EDEM1: variants seen among roughly 807,000 people sequenced by gnomAD.
The protein encoded by EDEM1 is ER degradation enhancing alpha-mannosidase like protein 1.
EDEM1 carries 67 observed loss-of-function variants against 74.4 expected under a neutral mutation model. The ratio of observed to expected loss-of-function variants is 0.90; its 90% CI spans 0.74 to 1.10. The LOEUF is 1.10. Among genes scored for constraint, EDEM1 ranks in the 50% least tolerant of loss-of-function variants. The probability of loss-of-function intolerance (pLI) is 0.00; values close to 1 mark genes in which losing one functional copy is unlikely to be tolerated. For missense variants in EDEM1, 926 were observed against 851.6 expected (o/e 1.09, Z -1.09); for synonymous variants, 382 against 335.9 (o/e 1.14, Z -1.50).
At position 5,207,208 on chromosome 3, in the gene EDEM1, A is replaced by T. The variant is rs369994360; in HGVS notation, c.1273A>T (p.Met425Leu). 6.2e-7 allele frequency: 1 copy of T among 1,614,184 alleles called. No homozygotes were observed. The highest frequency in any genetic ancestry group is 8.5e-7 in the Non-Finnish European group (1 of 1,180,026). Reference sequence around the variant, plus strand: ...CCCTCCACTCTATGTCAACGTGAACATGTTCAGTGGGCAGCTGATGAACAC... The same window carrying T: ...CCCTCCACTCTATGTCAACGTGAACTTGTTCAGTGGGCAGCTGATGAACAC... ...GDPPLYVNVN[M>L]FSGQLMNTWI... The change falls in exon 7 of 12, where the codon ATG becomes TTG. Residue 425 changes from methionine to leucine, a missense_variant. Coordinates refer to ENST00000256497, the MANE Select transcript of EDEM1 (RefSeq NM_014674.3).
chr3:5,187,718 G>T lies in EDEM1; in HGVS notation c.-88G>T. The T allele has an allele frequency of 7.2e-7, 1 of 1,395,438 alleles. No homozygotes were observed. The allele number at this position is 1,395,438 out of a possible 1,614,324, so 86.4% of individuals were successfully genotyped here. ...CGGGGGAGTTCCTTAAAGGGGAAGC[G>T]AGCCGGGCTACGGGGCGAGCGCGGG... On this transcript the variant is annotated 5_prime_UTR_variant, in exon 1 of 12. Coordinates refer to ENST00000256497, the MANE Select transcript of EDEM1 (RefSeq NM_014674.3).
In EDEM1 at chr3:5,211,145, G is replaced by A. The variant is rs1411347661; in HGVS notation, c.1609G>A (p.Val537Ile). The change falls in exon 10 of 12, where the codon GTC (valine) becomes ATC (isoleucine). Residue 537 changes from valine (V) to isoleucine (I), a missense_variant. Coordinates refer to ENST00000256497, the MANE Select transcript of EDEM1 (RefSeq NM_014674.3). ...GTGTGGGTACGCCACGCTGCATCAC[G>A]TCATTGACAAGTCCACAGAAGACCG... is the stretch of plus-strand genomic sequence containing the variant. ...VKCGYATLHH[V>I]IDKSTEDRME... 11 of 1,614,064 alleles carry A rather than the reference G, an allele frequency of 6.8e-6. No homozygotes were observed. Among genetic ancestry groups the A allele is most frequent in the African/African-American group, 2.7e-5 (2 of 74,934 alleles).
chr3:5,196,506 C>T (rs1290448926), intron 2 of EDEM1, among the ~76,000 whole-genome samples: 2 of 151,970 alleles, frequency 1.3e-5, no homozygotes, highest in Non-Finnish European at 2.9e-5. Context: ...ATGTGCTAGC[C>T]AAGTTTGCAT....
rs1012758852 is a variant in EDEM1, at chr3:5,216,221, T to C, written c.*303T>C. On this transcript the variant is annotated 3_prime_UTR_variant, in exon 12 of 12. Coordinates refer to ENST00000256497, the MANE Select transcript of EDEM1 (RefSeq NM_014674.3). ...GCATCTTTGGATTGATGTTCACAGCTTTATACTTCAGAACCTAAGTCTCTT... is the reference window on the plus strand; with the variant it reads ...GCATCTTTGGATTGATGTTCACAGCCTTATACTTCAGAACCTAAGTCTCTT... The C allele has an allele frequency of 5.1e-5, 18 of 352,194 alleles. No individual in the cohort carries two copies. The highest frequency in any genetic ancestry group is 3.6e-4 in the African/African-American group (17 of 46,806). 21.8% of individuals were successfully genotyped at this position (352,194 alleles called of 1,614,324 possible).
intron 1 of EDEM1, among the ~76,000 whole-genome samples, chr3:5,189,782 A>G (rs572508293): frequency 6.6e-6 from 1 of 152,130 alleles, no homozygotes; most frequent in African/African-American, 2.4e-5. Context: ...TTGTATTTTT[A>G]GTAGAGACGG....
chr3:5,213,289 T>A (rs2055189414), intron 10 of EDEM1, 30 bp from the exon 11 acceptor site: 3 of 1,596,346 alleles, frequency 1.9e-6, no homozygotes, highest in African/African-American at 2.7e-5. Flanking sequence ...CTACAATTAT[T>A]GGTTGTATCT....
In EDEM1 at chr3:5,201,871, G is replaced by A; in HGVS notation, c.805G>A (p.Val269Met). The A allele has an allele frequency of 6.2e-7, 1 of 1,614,170 alleles. No individual in the cohort carries two copies. The highest frequency in any genetic ancestry group is 8.5e-7 in the Non-Finnish European group (1 of 1,180,028). Reference protein sequence around the residue: ...ELLYMAHDLAVRLLPAFENTK... With the variant: ...ELLYMAHDLAMRLLPAFENTK... ...GTTATACATGGCCCATGACCTGGCG[G>A]TGCGGCTCCTCCCTGCTTTTGAAAA... Residue 269 changes from valine to methionine, a missense_variant, in exon 4 of 12, where the codon GTG becomes ATG. Coordinates refer to ENST00000256497, the MANE Select transcript of EDEM1 (RefSeq NM_014674.3).
chr3:5,205,279 G>A, intron 6 of EDEM1, 38 bp downstream of exon 6: 1 of 1,583,948 alleles, frequency 6.3e-7, no homozygotes. Flanking sequence ...GCCTTGTAAA[G>A]CAAATAGAAT....
intron 4 of EDEM1, among the ~76,000 whole-genome samples, chr3:5,202,545 A>T (rs564317318): frequency 6.6e-6 from 1 of 152,344 alleles, no homozygotes; most frequent in East Asian, 1.9e-4. Context: ...ATATTCTGGT[A>T]GTGCCTCCTT....
chr3:5,194,397 C>G (rs1056121570), intron 1 of EDEM1, among the ~76,000 whole-genome samples: 2 of 152,180 alleles, frequency 1.3e-5, no homozygotes, highest in Non-Finnish European at 2.9e-5. Flanking sequence ...CATCCCTATT[C>G]TCCCAGATGT....
In EDEM1 at chr3:5,188,293, G is replaced by T; in HGVS notation, c.488G>T (p.Arg163Leu). ...DELNPIHCRG[R>L]GPDRGDPSNL... ...CTCAACCCCATCCACTGCCGCGGCC[G>T]TGGGCCCGACCGCGGGGACCCGTGA... Residue 163 changes from arginine to leucine, a missense_variant, in exon 1 of 12, where the codon CGT becomes CTT. Transcript: ENST00000256497. The T allele has an allele frequency of 6.5e-7, 1 of 1,531,100 alleles. No homozygotes were observed. Among genetic ancestry groups the T allele is most frequent in the Non-Finnish European group, 8.8e-7 (1 of 1,137,418 alleles). 94.8% of individuals were successfully genotyped at this position (1,531,100 alleles called of 1,614,324 possible). A position where few individuals can be genotyped will look rare whatever the true frequency, so the allele number is the denominator to read the frequency against.
intron 10 of EDEM1, among the ~76,000 whole-genome samples, chr3:5,211,626 A>G (rs918520157): frequency 4.6e-5 from 7 of 151,538 alleles, no homozygotes; most frequent in African/African-American, 1.7e-4. Flanking sequence ...CTGTCCATAC[A>G]CACATCCTCA....
chr3:5,213,104 G>A (rs1336793932), intron 10 of EDEM1, among the ~76,000 whole-genome samples: 1 of 152,170 alleles, frequency 6.6e-6, no homozygotes, highest in Non-Finnish European at 1.5e-5. Flanking sequence ...GGGAGAGGCA[G>A]GTCTGGGCAT....
intron 1 of EDEM1, 38 bp downstream of exon 1, chr3:5,188,352 C>A: frequency 7.3e-7 from 1 of 1,375,182 alleles, no homozygotes; most frequent in East Asian, 3.1e-5. Context: ...CGCGCCCACG[C>A]GCTTCCTTCC....
intron 6 of EDEM1, among the ~76,000 whole-genome samples, chr3:5,205,505 C>T (rs2055085772): frequency 6.6e-6 from 1 of 152,222 alleles, no homozygotes; most frequent in Non-Finnish European, 1.5e-5. Flanking sequence ...CCAGGAGCAG[C>T]TGAGCCAGTC....
Position 5,218,344 on chromosome 3 carries a change from A to G in EDEM1, c.*2426A>G, listed in dbSNP as rs1392803644. The G allele has an allele frequency of 2.7e-5, 4 of 149,992 alleles. No individual in the cohort carries two copies. Among genetic ancestry groups the G allele is most frequent in the Non-Finnish European group, 4.4e-5 (3 of 67,900 alleles). 9.3% of individuals were successfully genotyped at this position (149,992 alleles called of 1,614,324 possible). ...AGAAGGTTCTTTGAGCCAGTTTCAAAGGTTACTTGTTTTTTTTTTTTTTTT... is the reference window on the plus strand; with the variant it reads ...AGAAGGTTCTTTGAGCCAGTTTCAAGGGTTACTTGTTTTTTTTTTTTTTTT... On this transcript the variant is annotated 3_prime_UTR_variant, in exon 12 of 12. Transcript: ENST00000256497.
At chr3:5,206,322 C>T (rs2055096502) in intron 6 of EDEM1, among the ~76,000 whole-genome samples, 1 of 152,042 alleles carries the variant, frequency 6.6e-6, no homozygotes, top group Admixed American at 6.6e-5. Context: ...ATTCTCCTGC[C>T]TCAGCCTCCT....
intron 7 of EDEM1, among the ~76,000 whole-genome samples, chr3:5,207,888 G>A (rs2055117783): frequency 1.3e-5 from 2 of 152,174 alleles, no homozygotes; most frequent in African/African-American, 4.8e-5. Flanking sequence ...TCTGTGTGCA[G>A]CTCACATCAA....
In EDEM1 at chr3:5,201,927, G is replaced by T. The variant is rs763986984; in HGVS notation, c.858+3G>T. ...AGACAGGGATTCCATATCCTCGGGT[G>T]GGTAGACTGGTTTGACCCTTTGTGT... On this transcript the variant is annotated splice_donor_region_variant and intron_variant, in intron 4 of 11. Coordinates refer to ENST00000256497, the MANE Select transcript of EDEM1 (RefSeq NM_014674.3). 1.9e-6 allele frequency: 3 copies of T among 1,611,578 alleles called. No individual in the cohort carries two copies. The South Asian group carries it at 3.3e-5, about 18-fold the overall frequency.
Sources: gnomAD v4.1 joint callset for allele counts (sites outside exome capture counted in the v4.1 genomes callset) on GRCh38, gnomAD v4.1.1 for gene constraint, MANE v1.5 for transcripts, NCBI Gene and HGNC (gene_info 2026-07-23, HGNC 2026-07-21) for gene names.